Variants in SLCO5A1 observed in about 807,000 individuals in gnomAD.
SLCO5A1 encodes solute carrier organic anion transporter family member 5A1, also known as organic anion transporter polypeptide-related protein 4.
SLCO5A1 carries 39 observed loss-of-function variants against 65.1 expected under a neutral mutation model. The observed-to-expected ratio is 0.60, with a 90% confidence interval of 0.46 to 0.78. SLCO5A1 has a LOEUF of 0.78. Ranked by LOEUF, SLCO5A1 falls within the 30% of genes least tolerant of loss-of-function variation. The pLI is 0.00. For missense variants in SLCO5A1, 1,029 were observed against 1,069.4 expected, an observed-to-expected ratio of 0.96 and a Z score of 0.53; for synonymous variants, 438 against 415.7, an observed-to-expected ratio of 1.05 and a Z score of -0.65.
At chr8:69,739,593 C>T (rs1010584070) in intron 4 of SLCO5A1, among the ~76,000 whole-genome samples, 8 of 152,026 alleles carry the variant, frequency 5.3e-5, no homozygotes, top group Admixed American at 5.2e-4. Context: ...AATTCATAGC[C>T]TCCTGTTGAC....
At chr8:69,708,667 G>T (rs911330574) in intron 5 of SLCO5A1, among the ~76,000 whole-genome samples, 11 of 152,126 alleles carry the variant, frequency 7.2e-5, no homozygotes, top group Non-Finnish European at 1.6e-4. Context: ...ACTTTGGGAG[G>T]CCGAGGCGGG....
intron 3 of SLCO5A1, among the ~76,000 whole-genome samples, chr8:69,758,460 G>A (rs1817617053): frequency 6.6e-6 from 1 of 152,046 alleles, no homozygotes; most frequent in South Asian, 2.1e-4. Flanking sequence ...GATTATAAGC[G>A]TGAGCCACCG....
intron 2 of SLCO5A1, among the ~76,000 whole-genome samples, chr8:69,796,920 A>G (rs1022491241): frequency 1.3e-5 from 2 of 152,146 alleles, no homozygotes; most frequent in African/African-American, 4.8e-5. Context: ...CCTTTACTCT[A>G]GTTTCTAATA....
rs145288426 is a variant in SLCO5A1 at position 69,733,855 on chromosome 8, A to T, written c.1423+4185T>A. Among the ~76,000 whole-genome samples the T allele has an allele frequency of 2.4e-3, 365 of 152,336 alleles. 3 individuals are homozygous for T. Among genetic ancestry groups the T allele is most frequent in the African/African-American group, 8.6e-3 (358 of 41,578 alleles). On this transcript the variant is annotated intron_variant, in intron 5 of 9. Coordinates refer to ENST00000260126, the MANE Select transcript of SLCO5A1 (RefSeq NM_030958.3). ...CTTTATAAATTACCCAGTCTTGGAT[A>T]TGTCTTTATCGCAGTATGAGAACAG...
intron 5 of SLCO5A1, among the ~76,000 whole-genome samples, chr8:69,708,306 G>T (rs1815065105): frequency 6.6e-6 from 1 of 152,202 alleles, no homozygotes; most frequent in South Asian, 2.1e-4. Context: ...CCTCGTCATG[G>T]AGATGTCTTC....
chr8:69,717,056 A>C (rs1815580953), intron 5 of SLCO5A1, among the ~76,000 whole-genome samples: 1 of 152,100 alleles, frequency 6.6e-6, no homozygotes, highest in Admixed American at 6.5e-5. Context: ...GGAATTACAG[A>C]TATGAGCCAC....
intron 2 of SLCO5A1, among the ~76,000 whole-genome samples, chr8:69,781,949 G>A (rs1018395557): frequency 9.2e-5 from 14 of 152,224 alleles, no homozygotes; most frequent in South Asian, 8.3e-4. Flanking sequence ...GAGCCACTGC[G>A]CCCGGCCTAT....
At chr8:69,744,771 C>A (rs1285759452) in intron 4 of SLCO5A1, among the ~76,000 whole-genome samples, 6 of 152,094 alleles carry the variant, frequency 3.9e-5, no homozygotes, top group African/African-American at 1.4e-4. Context: ...AAAATGGAGT[C>A]CATTCCAAAG....
In SLCO5A1 at chr8:69,720,594, G is replaced by A. The variant is rs540365391; in HGVS notation, c.1424-15365C>T. Among the ~76,000 whole-genome samples the A allele has an allele frequency of 2.0e-5, 3 of 152,308 alleles. No homozygotes were observed. The South Asian group carries it at 6.2e-4, about 32-fold the overall frequency. Reference sequence around the variant, plus strand: ...AGAACAAAAACAGGACAATTTAATAGGCACAACTCAAGTTTCAACCCATTG... The same window carrying A: ...AGAACAAAAACAGGACAATTTAATAAGCACAACTCAAGTTTCAACCCATTG... On this transcript the variant is annotated intron_variant, in intron 5 of 9. Transcript: ENST00000260126.
At chr8:69,815,748 C>A (rs1272074984) in intron 2 of SLCO5A1, among the ~76,000 whole-genome samples, 2 of 151,126 alleles carry the variant, frequency 1.3e-5, no homozygotes, top group African/African-American at 4.9e-5. Context: ...TAATATGGTC[C>A]AGGAAATTCC....
At chr8:69,786,120 G>A (rs1257483133) in intron 2 of SLCO5A1, among the ~76,000 whole-genome samples, 2 of 152,090 alleles carry the variant, frequency 1.3e-5, no homozygotes, top group Non-Finnish European at 1.5e-5. Context: ...GTTCAAAATG[G>A]AAAGTTAATA....
chr8:69,679,536 A>C lies in SLCO5A1; in HGVS notation c.1866T>G (p.Arg622=). 2 of 1,614,176 alleles carry C rather than the reference A, an allele frequency of 1.2e-6. No homozygotes were observed. The highest frequency in any genetic ancestry group is 3.3e-4 in the Middle Eastern group (2 of 6,062). ...TGAGATAAGTCTTGACAATAACCAC[A>C]CGGAGCTGACTTCGCTGTCCCACGG... The part of the protein sequence containing the change: ...PPTVGQRSQL[R]VVIVKTYLNE... Residue 622 remains arginine (R), a synonymous_variant, in exon 8 of 10, where the codon CGT becomes CGG. Transcript: ENST00000260126.
At chr8:69,749,358 C>G (rs1447413950) in intron 4 of SLCO5A1, among the ~76,000 whole-genome samples, 1 of 152,192 alleles carries the variant, frequency 6.6e-6, no homozygotes, top group Non-Finnish European at 1.5e-5. Flanking sequence ...GTGGCTCACA[C>G]CTGTAATCCC....
At position 69,799,137 on chromosome 8, in the gene SLCO5A1, G is replaced by A. The variant is rs147241547; in HGVS notation, c.907+32630C>T. On this transcript the variant is annotated intron_variant, in intron 2 of 9. Transcript: ENST00000260126. The stretch of plus-strand genomic sequence containing the variant: ...CAAGCAATGAGATTTGTGTGTGTTT[G>A]TTTAATAATAACCTGTTTCAAGTCT... Among the ~76,000 whole-genome samples, 13 of 152,274 alleles carry A rather than the reference G, an allele frequency of 8.5e-5. No individual in the cohort carries two copies. In the East Asian group the frequency reaches 2.5e-3, roughly 29 times the overall value.
rs55665513 is a variant in SLCO5A1, at chr8:69,815,647, AACACACACACACAC to A, written c.907+16106_907+16119del. On this transcript the variant is annotated intron_variant, in intron 2 of 9. Coordinates refer to ENST00000260126, the MANE Select transcript of SLCO5A1 (RefSeq NM_030958.3). The stretch of plus-strand genomic sequence containing the variant: ...ACAACTAAAAGAGAGGTAAAATATC[AACACACACACACAC>A]ACACACACACACACACACACACACA... 3.0e-4 allele frequency among the ~76,000 whole-genome samples: 42 copies of A among 141,298 alleles called. 1 individual carries two copies. The highest frequency in any genetic ancestry group is 1.1e-3 in the Admixed American group (16 of 13,926). 92.7% of individuals were successfully genotyped at this position (141,298 alleles called of 152,430 possible). A position where few individuals can be genotyped will look rare whatever the true frequency, so the allele number is the denominator to read the frequency against.
At chr8:69,737,995 T>A in intron 5 of SLCO5A1, 45 bp downstream of exon 5, 1 of 1,586,828 alleles carries the variant, frequency 6.3e-7, no homozygotes, top group Non-Finnish European at 8.6e-7. Context: ...CATTTCATGG[T>A]CAAAATGATC....
intron 2 of SLCO5A1, among the ~76,000 whole-genome samples, chr8:69,828,786 C>T (rs1305080382): frequency 6.6e-6 from 1 of 152,168 alleles, no homozygotes; most frequent in Non-Finnish European, 1.5e-5. Context: ...TAGCAGAGTA[C>T]CTAGCACAGA....
chr8:69,779,565 C>T (rs1290579949), intron 2 of SLCO5A1, among the ~76,000 whole-genome samples: 3 of 152,150 alleles, frequency 2.0e-5, no homozygotes, highest in Admixed American at 6.5e-5. Context: ...TCAGAAACTA[C>T]ACTAGGTACT....
chr8:69,782,613 T>C (rs899784318), intron 2 of SLCO5A1, among the ~76,000 whole-genome samples: 2 of 151,902 alleles, frequency 1.3e-5, no homozygotes, highest in Non-Finnish European at 2.9e-5. Flanking sequence ...AATCCCTTTA[T>C]TTTTGTTATC....
Sources: allele counts gnomAD v4.1 joint callset (sites outside exome capture counted in the v4.1 genomes callset), GRCh38; gene constraint gnomAD v4.1.1; transcripts MANE v1.5; gene names NCBI Gene and HGNC (gene_info 2026-07-23, HGNC 2026-07-21).